Variants in TENM3 observed in about 807,000 individuals in gnomAD.
TENM3 encodes the protein teneurin-3.
TENM3 carries 63 observed loss-of-function variants against 255.1 expected under a neutral mutation model. The ratio of observed to expected loss-of-function variants is 0.25; its 90% CI spans 0.20 to 0.30. The LOEUF is 0.30. TENM3 is among the 10% of genes least tolerant of loss of function. The pLI, the probability that TENM3 is intolerant of heterozygous loss-of-function variation, is 1.00. For synonymous variants in TENM3, 1,306 were observed against 1,322.3 expected (o/e 0.99, Z 0.27); for missense variants, 2,929 against 3,461.1 (o/e 0.85, Z 3.86).
At chr4:182,332,987 T>A (rs1763878237) in intron 2 of TENM3, among the ~76,000 whole-genome samples, 1 of 152,158 alleles carries the variant, frequency 6.6e-6, no homozygotes, top group South Asian at 2.1e-4. Context: ...TCAGAAAATA[T>A]GAGTAACCCC....
the TENM3 span, among the ~76,000 whole-genome samples, chr4:181,548,526 A>T: frequency 1.3e-5 from 2 of 152,192 alleles, no homozygotes; most frequent in Non-Finnish European, 2.9e-5. Context: ...TTCGGTTTTC[A>T]TCTGATTGAG....
the TENM3 span, among the ~76,000 whole-genome samples, chr4:181,620,756 G>A: frequency 5.8e-4 from 88 of 151,916 alleles, no homozygotes; most frequent in Non-Finnish European, 9.9e-4. Context: ...AGAAAAAAAT[G>A]ACAATACCTA....
At chr4:181,468,520 C>A in the TENM3 span, among the ~76,000 whole-genome samples, 5 of 152,194 alleles carry the variant, frequency 3.3e-5, no homozygotes, top group Admixed American at 1.3e-4. Context: ...CACAACTGAG[C>A]GTGCATGTTT....
intron 3 of TENM3, among the ~76,000 whole-genome samples, chr4:182,515,191 A>G (rs1023064798): frequency 6.6e-6 from 1 of 152,232 alleles, no homozygotes; most frequent in African/African-American, 2.4e-5. Flanking sequence ...AAAGTGAGGC[A>G]AAGAAGTTAG....
intron 1 of TENM3, among the ~76,000 whole-genome samples, chr4:182,303,590 G>A (rs1761966025): frequency 6.6e-6 from 1 of 152,158 alleles, no homozygotes; most frequent in African/African-American, 2.4e-5. Context: ...TGCGCATCTG[G>A]TTTTGAGCCG....
chr4:181,449,097 T>C, the TENM3 span, among the ~76,000 whole-genome samples: 2 of 152,322 alleles, frequency 1.3e-5, no homozygotes, highest in East Asian at 1.9e-4. Flanking sequence ...ATTTTATAGG[T>C]ATTACATATA....
chr4:182,781,121 C>T (rs888577825), intron 24 of TENM3, among the ~76,000 whole-genome samples: 28 of 152,222 alleles, frequency 1.8e-4, no homozygotes, highest in South Asian at 2.1e-4. Flanking sequence ...GAGAGGGCGT[C>T]CCTGTCTTGT....
At chr4:181,602,915 AAAG>A in the TENM3 span, among the ~76,000 whole-genome samples, 7 of 152,320 alleles carry the variant, frequency 4.6e-5, no homozygotes, top group South Asian at 2.1e-4. Flanking sequence ...TTTTTTAAAA[AAAG>A]AAGAAGAATC....
the TENM3 span, among the ~76,000 whole-genome samples, chr4:181,937,322 T>A: frequency 6.6e-6 from 1 of 152,184 alleles, no homozygotes; most frequent in East Asian, 1.9e-4. Context: ...GCTAAGTGCA[T>A]TGAGAAACCA....
intron 20 of TENM3, among the ~76,000 whole-genome samples, chr4:182,752,300 GC>G (rs2152749708): frequency 1.7e-5 from 1 of 57,660 alleles, no homozygotes; most frequent in Admixed American, 2.3e-4. Context: ...AAAGAATGAA[GC>G]AACTAACTAC....
At chr4:181,718,179 GA>G in the TENM3 span, among the ~76,000 whole-genome samples, 3 of 152,132 alleles carry the variant, frequency 2.0e-5, no homozygotes, top group South Asian at 6.2e-4. Flanking sequence ...TAAAAGAATG[GA>G]AGAATACAAG....
chr4:181,624,295 A>G, the TENM3 span, among the ~76,000 whole-genome samples: 1 of 152,228 alleles, frequency 6.6e-6, no homozygotes, highest in Non-Finnish European at 1.5e-5. Context: ...GCAAATGAAA[A>G]GAGAAAGGCG....
the TENM3 span, among the ~76,000 whole-genome samples, chr4:181,460,678 C>CTTTTTTTTTTTTTTTTTTTTTTTTTTT: frequency 7.3e-6 from 1 of 136,862 alleles, no homozygotes; most frequent in Non-Finnish European, 1.5e-5. Context: ...AGCTATAGTT[C>CTTTTTTTTTTTTTTTTTTTTTTTTTTT]TTTTTTTTTT....
chr4:182,629,092 G>A lies in TENM3; in HGVS notation c.988+203G>A, dbSNP rs143539987. Reference sequence around the variant, plus strand: ...ATACATAGAAAAGCAGGTTTTGTGGGTAGTGAGGTAATATTCTTGGACAAA... The same window carrying A: ...ATACATAGAAAAGCAGGTTTTGTGGATAGTGAGGTAATATTCTTGGACAAA... On this transcript the variant is annotated intron_variant, in intron 5 of 27. Coordinates refer to ENST00000511685, the MANE Select transcript of TENM3 (RefSeq NM_001080477.4). 0.023 allele frequency among the ~76,000 whole-genome samples: 3,572 copies of A among 152,198 alleles called. 65 individuals are homozygous for A. The highest frequency in any genetic ancestry group is 0.034 in the Non-Finnish European group (2,345 of 68,020).
chr4:181,555,206 T>C, the TENM3 span, among the ~76,000 whole-genome samples: 2 of 152,184 alleles, frequency 1.3e-5, no homozygotes, highest in African/African-American at 4.8e-5. Flanking sequence ...AAGTAGATAC[T>C]ATTATTTTCT....
the TENM3 span, among the ~76,000 whole-genome samples, chr4:181,486,764 A>G: frequency 6.6e-6 from 1 of 152,220 alleles, no homozygotes; most frequent in African/African-American, 2.4e-5. Context: ...ACAGAAAAGC[A>G]GTGTGGTAGA....
At chr4:182,543,827 G>A (rs1400210653) in intron 3 of TENM3, among the ~76,000 whole-genome samples, 1 of 151,978 alleles carries the variant, frequency 6.6e-6, no homozygotes, top group Non-Finnish European at 1.5e-5. Context: ...CTATAGGATA[G>A]TCGGATATGA....
intron 3 of TENM3, among the ~76,000 whole-genome samples, chr4:182,549,910 G>C (rs1741832227): frequency 6.6e-6 from 1 of 152,136 alleles, no homozygotes; most frequent in Non-Finnish European, 1.5e-5. Context: ...ATCTAGGCAA[G>C]AAAATAAGAA....
chr4:182,621,692 A>ATATTATATATAATATG (rs1419557616), intron 4 of TENM3, among the ~76,000 whole-genome samples: 3,414 of 12,210 alleles, frequency 0.28, 222 homozygotes, highest in South Asian at 0.5. Context: ...TATATAATAT[A>ATATTATATATAATATG]TATTATATAT....
Sources: gnomAD v4.1 joint callset for allele counts (sites outside exome capture counted in the v4.1 genomes callset) on GRCh38, gnomAD v4.1.1 for gene constraint, MANE v1.5 for transcripts, NCBI Gene and HGNC (gene_info 2026-07-23, HGNC 2026-07-21) for gene names.